MGST2: variants seen among roughly 807,000 people sequenced by gnomAD.
The protein encoded by MGST2 is microsomal glutathione S-transferase 2, also known as glutathione peroxidase MGST2.
A neutral mutation model predicts 16.6 loss-of-function variants in MGST2; 9 were observed. The observed-to-expected ratio is 0.54, with a 90% confidence interval of 0.33 to 0.95. The LOEUF (loss-of-function observed/expected upper bound fraction) is 0.95. Among genes scored for constraint, MGST2 ranks in the 40% least tolerant of loss-of-function variants. MGST2 has a pLI of 0.03. For missense variants in MGST2, 159 were observed against 175.1 expected, an observed-to-expected ratio of 0.91 and a Z score of 0.52; for synonymous variants, 79 against 68.0, an observed-to-expected ratio of 1.16 and a Z score of -0.79.
chr4:139,721,316 C>A (rs1728225765), intron 5 of MGST2, among the ~76,000 whole-genome samples: 1 of 152,132 alleles, frequency 6.6e-6, no homozygotes, highest in Non-Finnish European at 1.5e-5. Context: ...CAGTAGAACA[C>A]CAGTCAACGT....
intron 4 of MGST2, 63 bp from the exon 5 acceptor site, chr4:139,703,953 G>A: frequency 1.9e-6 from 3 of 1,604,372 alleles, no homozygotes; most frequent in Middle Eastern, 1.9e-4. Flanking sequence ...GCCTACCTCA[G>A]GACTCTCAGC....
At chr4:139,726,710 A>T (rs1728486117) in intron 5 of MGST2, among the ~76,000 whole-genome samples, 2 of 152,202 alleles carry the variant, frequency 1.3e-5, no homozygotes, top group African/African-American at 2.4e-5. Flanking sequence ...TACTGCTTTG[A>T]GGAAACCATG....
At chr4:139,748,252 G>T in the MGST2 span, among the ~76,000 whole-genome samples, 1 of 152,020 alleles carries the variant, frequency 6.6e-6, no homozygotes, top group Non-Finnish European at 1.5e-5. Context: ...TGGGGCACTT[G>T]AGCCATAAGA....
At chr4:139,691,523 A>C (rs536780432) in intron 2 of MGST2, among the ~76,000 whole-genome samples, 47 of 152,212 alleles carry the variant, frequency 3.1e-4, no homozygotes, top group African/African-American at 1.1e-3. Flanking sequence ...ACATGGTCAC[A>C]TGGTGGAGGG....
intron 5 of MGST2, chr4:139,719,664 T>G (rs779449570): frequency 6.2e-7 from 1 of 1,613,118 alleles, no homozygotes; most frequent in African/African-American, 1.3e-5. Context: ...TGCCGACCCA[T>G]GGCAGCTGGG....
chr4:139,716,898 G>GA (rs1329742939), intron 5 of MGST2: 6 of 152,518 alleles, frequency 3.9e-5, no homozygotes, highest in South Asian at 2.1e-4. Context: ...CAGAAAACTA[G>GA]AAAAATCTGA....
rs528818113 is a variant in MGST2 at position 139,714,527 on chromosome 4, T to C, written c.*48+10331T>C. Among the ~76,000 whole-genome samples, 3 of 152,344 alleles carry C rather than the reference T, an allele frequency of 2.0e-5. No individual in the cohort carries two copies. In the East Asian group the frequency reaches 5.8e-4, roughly 29 times the overall value. On this transcript the variant is annotated intron_variant, in intron 5 of 5. Transcript: ENST00000616265. ...AAAGGAAAAGTATTTCTTTTTGTTC[T>C]GGCCAAAGCAAAATACGCGTAATAA...
chr4:139,748,082 CACATATAGAGGT>C, the MGST2 span, among the ~76,000 whole-genome samples: 1 of 143,620 alleles, frequency 7.0e-6, no homozygotes, highest in Non-Finnish European at 1.5e-5. Context: ...AAAAAGAATG[CACATATAGAGGT>C]AGTGGGCCTT....
chr4:139,686,088 A>C, intron 2 of MGST2, among the ~76,000 whole-genome samples: 1 of 152,286 alleles, frequency 6.6e-6, no homozygotes, highest in Non-Finnish European at 1.5e-5. Flanking sequence ...TTAGGGAGAT[A>C]TGAAACTTCA....
At chr4:139,734,612 T>A (rs571111268) in intron 5 of MGST2, among the ~76,000 whole-genome samples, 3 of 152,324 alleles carry the variant, frequency 2.0e-5, no homozygotes, top group South Asian at 4.1e-4. Flanking sequence ...AAGGCTAGAG[T>A]GAGGTAGGAG....
At chr4:139,676,781 A>C (rs535086598) in intron 1 of MGST2, among the ~76,000 whole-genome samples, 26 of 152,320 alleles carry the variant, frequency 1.7e-4, no homozygotes, top group African/African-American at 6.3e-4. Flanking sequence ...TTTGTGTACA[A>C]TTCTTTGTAC....
intron 1 of MGST2, among the ~76,000 whole-genome samples, chr4:139,674,149 C>T (rs1201494843): frequency 6.6e-6 from 1 of 152,186 alleles, no homozygotes; most frequent in Non-Finnish European, 1.5e-5. Flanking sequence ...GACACAGCCT[C>T]AGGGGCTCCT....
chr4:139,680,711 C>T (rs1379803265), intron 2 of MGST2, among the ~76,000 whole-genome samples: 1 of 152,158 alleles, frequency 6.6e-6, no homozygotes, highest in Non-Finnish European at 1.5e-5. Flanking sequence ...TGAAAATGCA[C>T]CTTTATCTTG....
chr4:139,709,071 A>AATTTTTTTTTTTTTTTTTTT (rs755140695), downstream of MGST2, among the ~76,000 whole-genome samples: 1 of 81,970 alleles, frequency 1.2e-5, no homozygotes, highest in African/African-American at 4.7e-5. Context: ...AATGGAAAAA[A>AATTTTTTTTTTTTTTTTTTT]TTTTTTTTTT....
chr4:139,698,959 T>C (rs1222344900), intron 3 of MGST2, among the ~76,000 whole-genome samples: 1 of 152,240 alleles, frequency 6.6e-6, no homozygotes, highest in Non-Finnish European at 1.5e-5. Flanking sequence ...ATCATAACTT[T>C]TCTCTGCTTT....
chr4:139,713,533 C>G (rs575845623), intron 5 of MGST2, among the ~76,000 whole-genome samples: 2 of 142,932 alleles, frequency 1.4e-5, no homozygotes, highest in Admixed American at 1.4e-4. Flanking sequence ...GAAGAAAAAA[C>G]CTTTTTCCAG....
chr4:139,736,826 T>C (rs2111010207), intron 5 of MGST2, among the ~76,000 whole-genome samples: 1 of 152,314 alleles, frequency 6.6e-6, no homozygotes, highest in South Asian at 2.1e-4. Flanking sequence ...TTGGGGCAAA[T>C]AATCCTGTGC....
chr4:139,748,010 C>T, the MGST2 span, among the ~76,000 whole-genome samples: 74 of 134,792 alleles, frequency 5.5e-4, no homozygotes, highest in Admixed American at 1.6e-3. Context: ...GCCAAGATCA[C>T]GCCACTGCAC....
chr4:139,668,869 A>G (rs887814228), intron 1 of MGST2, among the ~76,000 whole-genome samples: 2 of 151,984 alleles, frequency 1.3e-5, no homozygotes, highest in African/African-American at 4.8e-5. Context: ...TCAGGATTTG[A>G]TAGGGATATT....
Sources: allele counts gnomAD v4.1 joint callset (sites outside exome capture counted in the v4.1 genomes callset), GRCh38; gene constraint gnomAD v4.1.1; transcripts MANE v1.5; gene names NCBI Gene and HGNC (gene_info 2026-07-23, HGNC 2026-07-21).